The following ELAVL4 variants were observed in gnomAD, a reference collection of about 807,000 sequenced individuals.
ELAVL4 encodes ELAV-like protein 4.
Under a neutral mutation model 35.6 loss-of-function variants are expected in ELAVL4, and 1 was observed. That is an observed-to-expected ratio of 0.03 (90% CI 0.01 to 0.13). The LOEUF (loss-of-function observed/expected upper bound fraction) is 0.13, where lower values mean the gene tolerates loss of function less well. Ranked by LOEUF, ELAVL4 falls within the 10% of genes least tolerant of loss-of-function variation. The pLI, the probability that ELAVL4 is intolerant of heterozygous loss-of-function variation, is 1.00. For synonymous variants in ELAVL4, 156 were observed against 171.0 expected (o/e 0.91, Z 0.69); for missense variants, 267 against 464.9 (o/e 0.57, Z 3.91).
rs1251991352 is a variant in ELAVL4, at chr1:50,202,698, C to A, written c.*1520C>A. 6.6e-6 allele frequency: 1 copy of A among 151,524 alleles called. No homozygotes were observed. Among genetic ancestry groups the A allele is most frequent in the Non-Finnish European group, 1.5e-5 (1 of 67,872 alleles). 9.4% of individuals were successfully genotyped at this position (151,524 alleles called of 1,614,324 possible). ...ATATATATATATAAAGTTATTTTTTCTTTGGGTTAATTTATTATAAGTTGT... is the reference window on the plus strand; with the variant it reads ...ATATATATATATAAAGTTATTTTTTATTTGGGTTAATTTATTATAAGTTGT... On this transcript the variant is annotated 3_prime_UTR_variant, in exon 7 of 7. Transcript: ENST00000371824.
intron 6 of ELAVL4, among the ~76,000 whole-genome samples, chr1:50,198,849 C>G (rs898498627): frequency 7.2e-5 from 11 of 152,138 alleles, no homozygotes; most frequent in Admixed American, 5.9e-4. Flanking sequence ...GGATTTAGAA[C>G]GCTTCCTACC....
Position 50,067,866 on chromosome 1 carries a change from G to A in ELAVL4, c.18+19684G>A, listed in dbSNP as rs377410357. On this transcript the variant is annotated intron_variant, in intron 1 of 6. Coordinates refer to the ELAVL4 transcript ENST00000448907. ...CTTCTTCACATGATGGCAGGAAGAA[G>A]TGCCAAGCAAAAGGTGGAAAAGCCC... Among the ~76,000 whole-genome samples the A allele has an allele frequency of 1.1e-3, 175 of 152,244 alleles. 5 individuals are homozygous for A. In the South Asian group the frequency reaches 0.034, roughly 30 times the overall value.
chr1:50,080,657 CT>C (rs1163497504), intron 1 of ELAVL4, among the ~76,000 whole-genome samples: 30 of 152,260 alleles, frequency 2.0e-4, no homozygotes, highest in Admixed American at 1.8e-3. Flanking sequence ...TTTTATGCTG[CT>C]GTGTCTTTGG....
At chr1:50,192,514 T>TGCAC (rs1221928890) in intron 3 of ELAVL4, among the ~76,000 whole-genome samples, 9 of 88,216 alleles carry the variant, frequency 1.0e-4, no homozygotes, top group South Asian at 9.1e-4. Flanking sequence ...TGCTTTTGTG[T>TGCAC]GCACGCACAC....
At chr1:50,085,861 C>T (rs1330468721) in intron 1 of ELAVL4, among the ~76,000 whole-genome samples, 2 of 152,204 alleles carry the variant, frequency 1.3e-5, no homozygotes, top group Admixed American at 6.5e-5. Flanking sequence ...CTTAGGGAGG[C>T]AGCGAAGGGG....
At chr1:50,167,041 C>T (rs1457145412) in intron 2 of ELAVL4, among the ~76,000 whole-genome samples, 5 of 152,182 alleles carry the variant, frequency 3.3e-5, no homozygotes, top group Non-Finnish European at 1.5e-5. Flanking sequence ...AGTGGTGCCA[C>T]TTCCACTTCC....
intron 1 of ELAVL4, among the ~76,000 whole-genome samples, chr1:50,085,353 G>A (rs1268818098): frequency 6.6e-6 from 1 of 152,190 alleles, no homozygotes; most frequent in Non-Finnish European, 1.5e-5. Flanking sequence ...ACAGAGAACA[G>A]CAGTAGCCAG....
chr1:50,057,022 G>A (rs1264446661), intron 1 of ELAVL4, among the ~76,000 whole-genome samples: 1 of 151,968 alleles, frequency 6.6e-6, no homozygotes, highest in Non-Finnish European at 1.5e-5. Flanking sequence ...TTCAAAATAA[G>A]GCATTGTTAT....
chr1:50,123,750 C>T (rs1669426885), intron 1 of ELAVL4, among the ~76,000 whole-genome samples: 1 of 152,060 alleles, frequency 6.6e-6, no homozygotes, highest in African/African-American at 2.4e-5. Context: ...GTGTTCCCTA[C>T]TGTTGCTCAC....
Position 50,203,247 on chromosome 1 carries a change from C to T in ELAVL4, c.*2069C>T, listed in dbSNP as rs1644454194. On this transcript the variant is annotated 3_prime_UTR_variant, in exon 7 of 7. Coordinates refer to ENST00000371824, the MANE Select transcript of ELAVL4 (RefSeq NM_001144774.3). ...TTTGTGCATTTTTTCCCATGCTGAACCCACTAAGTGCATGTAGACAGGACT... is the reference window on the plus strand; with the variant it reads ...TTTGTGCATTTTTTCCCATGCTGAATCCACTAAGTGCATGTAGACAGGACT... 2 of 152,114 alleles carry T rather than the reference C, an allele frequency of 1.3e-5. No homozygotes were observed. The highest frequency in any genetic ancestry group is 2.4e-5 in the African/African-American group (1 of 41,426). The allele number at this position is 152,114 out of a possible 1,614,324, so 9.4% of individuals were successfully genotyped here. A position where few individuals can be genotyped will look rare whatever the true frequency, so the allele number is the denominator to read the frequency against.
chr1:50,109,073 T>C lies in ELAVL4; in HGVS notation c.-117T>C. 2.7e-6 allele frequency: 3 copies of C among 1,125,446 alleles called. No homozygotes were observed. The highest frequency in any genetic ancestry group is 4.9e-5 in the South Asian group (2 of 41,138). 69.7% of individuals were successfully genotyped at this position (1,125,446 alleles called of 1,614,324 possible). On this transcript the variant is annotated 5_prime_UTR_variant, in exon 1 of 7. Transcript: ENST00000371824. The stretch of plus-strand genomic sequence containing the variant: ...GCTTTACAATCATCCACACTGTGTT[T>C]TGTGGATCTTTAATTATATATAACA...
intron 1 of ELAVL4, among the ~76,000 whole-genome samples, chr1:50,085,207 C>T (rs1665186920): frequency 6.6e-6 from 1 of 152,218 alleles, no homozygotes; most frequent in Non-Finnish European, 1.5e-5. Context: ...TAAACCATGC[C>T]TGCACACTGT....
intron 1 of ELAVL4, among the ~76,000 whole-genome samples, chr1:50,127,120 G>A (rs182266226): frequency 7.9e-5 from 12 of 152,194 alleles, no homozygotes; most frequent in Admixed American, 5.9e-4. Context: ...AAAGAAGCCT[G>A]ATGGGTTGGA....
At chr1:50,127,884 G>A (rs1272509652) in intron 1 of ELAVL4, among the ~76,000 whole-genome samples, 1 of 152,126 alleles carries the variant, frequency 6.6e-6, no homozygotes, top group Non-Finnish European at 1.5e-5. Flanking sequence ...TTAATTGAAT[G>A]GATGTAGAAG....
intron 1 of ELAVL4, among the ~76,000 whole-genome samples, chr1:50,116,865 AC>A (rs1668046308): frequency 6.6e-6 from 1 of 152,112 alleles, no homozygotes; most frequent in South Asian, 2.1e-4. Context: ...TTGGTATTAT[AC>A]ATGTCTTCAA....
chr1:50,100,007 A>G (rs1214695893), upstream of ELAVL4, among the ~76,000 whole-genome samples: 1 of 152,240 alleles, frequency 6.6e-6, no homozygotes, highest in African/African-American at 2.4e-5. Context: ...TAAGACTTAA[A>G]TATCTTTAGA....
At chr1:50,140,072 CG>C (rs1557767049) in intron 1 of ELAVL4, among the ~76,000 whole-genome samples, 1 of 152,124 alleles carries the variant, frequency 6.6e-6, no homozygotes, top group Non-Finnish European at 1.5e-5. Flanking sequence ...CATTAGAGTT[CG>C]AAGTCAACTG....
intron 1 of ELAVL4, among the ~76,000 whole-genome samples, chr1:50,065,487 T>A (rs1664215488): frequency 6.6e-6 from 1 of 152,152 alleles, no homozygotes; most frequent in South Asian, 2.1e-4. Context: ...TTTATTATAA[T>A]CTATAAAATG....
chr1:50,146,426 A>C (rs1673739584), intron 2 of ELAVL4, among the ~76,000 whole-genome samples: 6 of 152,176 alleles, frequency 3.9e-5, no homozygotes, highest in Admixed American at 3.3e-4. Context: ...GCTTGTCTCA[A>C]AGGGCTTATT....
Sources: gnomAD v4.1 joint callset for allele counts (sites outside exome capture counted in the v4.1 genomes callset) on GRCh38, gnomAD v4.1.1 for gene constraint, MANE v1.5 for transcripts, NCBI Gene and HGNC (gene_info 2026-07-23, HGNC 2026-07-21) for gene names.